Variants in PRKDC observed in about 807,000 individuals in gnomAD.
The protein encoded by PRKDC is protein kinase, DNA-activated, catalytic subunit, also known as DNA-dependent protein kinase catalytic subunit.
In PRKDC, 82 loss-of-function variants were observed where a neutral mutation model predicts 486.9. That is an observed-to-expected ratio of 0.17 (90% CI 0.14 to 0.20). The LOEUF (loss-of-function observed/expected upper bound fraction) is 0.20. Ranked by LOEUF, PRKDC falls within the 10% of genes least tolerant of loss-of-function variation. The pLI, the probability that PRKDC is intolerant of heterozygous loss-of-function variation, is 1.00. For missense variants in PRKDC, 4,504 were observed against 5,038.2 expected (o/e 0.89, Z 3.21); for synonymous variants, 1,895 against 1,837.0 (o/e 1.03, Z -0.81).
Position 47,936,291 on chromosome 8 carries a change from T to A in PRKDC, c.1278+62A>T, listed in dbSNP as rs1168343103. ...ACACTAAATGTATTGTATGACTCCA[T>A]CAAATTATTTGAAGAAATGAAGATT... On this transcript the variant is annotated intron_variant, in intron 12 of 85. Coordinates refer to ENST00000314191, the MANE Select transcript of PRKDC (RefSeq NM_006904.7). 2.0e-6 allele frequency: 3 copies of A among 1,517,720 alleles called. No homozygotes were observed. In the African/African-American group the frequency reaches 4.2e-5, roughly 21 times the overall value. The allele number at this position is 1,517,720 out of a possible 1,614,324, so 94.0% of individuals were successfully genotyped here.
chr8:47,831,712 G>A, intron 60 of PRKDC, 102 bp downstream of exon 60: 1 of 1,264,074 alleles, frequency 7.9e-7, no homozygotes, highest in Non-Finnish European at 1.2e-6. Flanking sequence ...CTGGTTTGCA[G>A]GTGACATTGG....
chr8:47,867,193 G>T (rs944085241), intron 40 of PRKDC, among the ~76,000 whole-genome samples: 1 of 152,102 alleles, frequency 6.6e-6, no homozygotes, highest in Non-Finnish European at 1.5e-5. Context: ...CTGATAGGGC[G>T]AGATCTGTAC....
Position 47,927,198 on chromosome 8 carries a change from C to T in PRKDC, c.2415G>A (p.Leu805=), listed in dbSNP as rs770194016. ...CLDGYLKTSA[L]SDETKNNWEV... is the part of the protein sequence containing the mutation. ...CACAATTCTTCTAAACATTACCTGA[C>T]AAGGCTGAAGTCTTCAGGTATCCAT... Residue 805 remains leucine (L), a synonymous_variant, in exon 21 of 86, where the codon TTG becomes TTA. Coordinates refer to ENST00000314191, the MANE Select transcript of PRKDC (RefSeq NM_006904.7). The T allele has an allele frequency of 6.2e-7, 1 of 1,613,304 alleles. No homozygotes were observed. Among genetic ancestry groups the T allele is most frequent in the South Asian group, 1.1e-5 (1 of 90,992 alleles).
chr8:47,886,242 T>A, intron 35 of PRKDC, 95 bp from the exon 36 acceptor site: 1 of 1,028,742 alleles, frequency 9.7e-7, no homozygotes, highest in East Asian at 2.7e-5. Context: ...AATTGGAAAA[T>A]GACACAGGTC....
At chr8:47,940,956 C>G (rs2154504019) in intron 10 of PRKDC, among the ~76,000 whole-genome samples, 1 of 152,138 alleles carries the variant, frequency 6.6e-6, no homozygotes. Context: ...ATGGTGAAAC[C>G]CTGTCTCTAA....
chr8:47,951,460 A>T (rs1372013229), intron 7 of PRKDC, among the ~76,000 whole-genome samples: 1 of 152,068 alleles, frequency 6.6e-6, no homozygotes, highest in African/African-American at 2.4e-5. Context: ...ACAGTGGCTC[A>T]CACCTGCAAC....
chr8:47,902,432 T>A (rs1371174376), intron 27 of PRKDC, 137 bp downstream of exon 27: 1 of 597,926 alleles, frequency 1.7e-6, no homozygotes, highest in Non-Finnish European at 2.5e-6. Flanking sequence ...ACTTTTTAAT[T>A]TCCAGAAGAC....
At chr8:47,902,936 T>TA in intron 26 of PRKDC, 141 bp from the exon 27 acceptor site, 1 of 534,266 alleles carries the variant, frequency 1.9e-6, no homozygotes, top group East Asian at 3.1e-5. Context: ...TAAACATTAG[T>TA]AAAACCAATC....
intron 68 of PRKDC, among the ~76,000 whole-genome samples, chr8:47,814,744 C>A (rs1172857106): frequency 6.6e-6 from 1 of 152,060 alleles, no homozygotes; most frequent in East Asian, 1.9e-4. Context: ...ATAGCAACTC[C>A]CCAAATTAAA....
At position 47,930,739 on chromosome 8, in the gene PRKDC, C is replaced by A; in HGVS notation, c.1825G>T (p.Ala609Ser). Reference protein sequence around the residue: ...GVWMIPTSDPAANLHPAKPKD... With the variant: ...GVWMIPTSDPSANLHPAKPKD... The stretch of plus-strand genomic sequence containing the variant: ...GGTTTAGCTGGATGCAAGTTAGCCG[C>A]TGGATCTGAAGTTGGGATCATCCAA... Residue 609 changes from alanine (A) to serine (S), a missense_variant, in exon 17 of 86, where the codon GCG becomes TCG. Physicochemically the swap from Ala to Ser is moderately conservative, Grantham distance 99. Around this residue, in one of 6 missense-constraint regions of PRKDC, gnomAD observed 1,969 missense variants for 2,068.9 expected, o/e 0.95. Coordinates refer to ENST00000314191, the MANE Select transcript of PRKDC (RefSeq NM_006904.7). The A allele has an allele frequency of 6.3e-7, 1 of 1,591,904 alleles. No individual in the cohort carries two copies. The highest frequency in any genetic ancestry group is 8.6e-7 in the Non-Finnish European group (1 of 1,168,878).
intron 7 of PRKDC, among the ~76,000 whole-genome samples, chr8:47,946,123 A>G (rs1413875015): frequency 6.6e-6 from 1 of 151,848 alleles, no homozygotes; most frequent in Admixed American, 6.6e-5. Context: ...TGAGGTCAGG[A>G]GTTTGAGACC....
chr8:47,956,050 T>C, intron 3 of PRKDC, 102 bp from the exon 4 acceptor site: 1 of 856,904 alleles, frequency 1.2e-6, no homozygotes, highest in Non-Finnish European at 1.8e-6. Context: ...ATACCAAAAT[T>C]CAGTATTTAG....
intron 45 of PRKDC, 113 bp downstream of exon 45, chr8:47,860,786 A>AT: frequency 1.3e-6 from 1 of 742,318 alleles, no homozygotes. Flanking sequence ...GGGTACTTAA[A>AT]GTATTTTCTA....
intron 59 of PRKDC, 58 bp downstream of exon 59, chr8:47,834,138 A>G (rs2087951478): frequency 6.3e-7 from 1 of 1,586,396 alleles, no homozygotes; most frequent in Admixed American, 1.7e-5. Context: ...CCCAGACCTG[A>G]GCTCTGCAGT....
chr8:47,815,127 C>G (rs529806294), intron 68 of PRKDC, among the ~76,000 whole-genome samples: 4 of 152,096 alleles, frequency 2.6e-5, no homozygotes, highest in Non-Finnish European at 5.9e-5. Context: ...TATCGGGTGA[C>G]AGAGTAAGAC....
chr8:47,895,454 T>G (rs146469905), intron 30 of PRKDC, among the ~76,000 whole-genome samples: 316 of 152,306 alleles, frequency 2.1e-3, no homozygotes, highest in Admixed American at 4.3e-3. Context: ...CACAGGCAAC[T>G]GAGAAGAGAA....
chr8:47,935,325 C>A (rs2090330593), intron 13 of PRKDC, among the ~76,000 whole-genome samples: 1 of 151,892 alleles, frequency 6.6e-6, no homozygotes, highest in South Asian at 2.1e-4. Context: ...TATGGTGAAA[C>A]CCTGTCTCTA....
chr8:47,915,182 A>C (rs2089966543), intron 23 of PRKDC, 146 bp downstream of exon 23: 7 of 509,718 alleles, frequency 1.4e-5, no homozygotes, highest in Middle Eastern at 5.0e-4. Flanking sequence ...TCAAACCATT[A>C]GGCAAGATAT....
chr8:47,924,982 C>T (rs1342880437), intron 21 of PRKDC, among the ~76,000 whole-genome samples: 1 of 152,196 alleles, frequency 6.6e-6, no homozygotes, highest in Non-Finnish European at 1.5e-5. Context: ...TCGCCCTTCT[C>T]ACCCTGCCTG....
Sources: gnomAD v4.1 joint callset for allele counts (sites outside exome capture counted in the v4.1 genomes callset) on GRCh38, gnomAD v4.1.1 for gene constraint, gnomAD v4.1.1 regional missense constraint, MANE v1.5 for transcripts, NCBI Gene and HGNC (gene_info 2026-07-23, HGNC 2026-07-21) for gene names.